The following MRTFB variants were observed in gnomAD, a reference collection of about 807,000 sequenced individuals.
MRTFB encodes myocardin-related transcription factor B.
A neutral mutation model predicts 104.2 loss-of-function variants in MRTFB; 29 were observed. The ratio of observed to expected loss-of-function variants is 0.28; its 90% CI spans 0.21 to 0.38. The LOEUF is 0.38. Ranked by LOEUF, MRTFB falls within the 10% of genes least tolerant of loss-of-function variation. The pLI is 1.00. For missense variants in MRTFB, 1,270 were observed against 1,341.6 expected, an observed-to-expected ratio of 0.95 and a Z score of 0.83; for synonymous variants, 535 against 519.5, an observed-to-expected ratio of 1.03 and a Z score of -0.41.
intron 3 of MRTFB, among the ~76,000 whole-genome samples, chr16:14,189,061 A>T (rs1359753537): frequency 6.6e-6 from 1 of 151,250 alleles, no homozygotes; most frequent in Non-Finnish European, 1.5e-5. Flanking sequence ...CTCCTCATTT[A>T]ATAGATTCTA....
chr16:14,167,902 T>C (rs2039299433), intron 3 of MRTFB, among the ~76,000 whole-genome samples: 1 of 152,210 alleles, frequency 6.6e-6, no homozygotes, highest in Non-Finnish European at 1.5e-5. Flanking sequence ...TTAACCAGGA[T>C]GGTCTCGATC....
chr16:14,178,458 A>G (rs1382572367), intron 3 of MRTFB, among the ~76,000 whole-genome samples: 1 of 152,222 alleles, frequency 6.6e-6, no homozygotes, highest in Non-Finnish European at 1.5e-5. Flanking sequence ...TTTGGTAGTC[A>G]TCTTGGCTCC....
the MRTFB span, among the ~76,000 whole-genome samples, chr16:13,997,268 G>A: frequency 5.3e-5 from 8 of 152,200 alleles, no homozygotes; most frequent in African/African-American, 1.9e-4. Flanking sequence ...TTAGCATCAT[G>A]TAGTATCTTT....
At position 14,217,307 on chromosome 16, in the gene MRTFB, C is replaced by CTATT; in HGVS notation, c.514+22_514+25dup. 6.4e-7 allele frequency: 1 copy of CTATT among 1,566,914 alleles called. No homozygotes were observed. Among genetic ancestry groups the CTATT allele is most frequent in the Non-Finnish European group, 8.6e-7 (1 of 1,160,450 alleles). Reference sequence around the variant, plus strand: ...TTATAGGCAAGACTCTAAAAATTTACTATTTGGGGTGAGAAAGAGAAACTT... The same window carrying CTATT: ...TTATAGGCAAGACTCTAAAAATTTACTATTTATTTGGGGTGAGAAAGAGAAACTT... On this transcript the variant is annotated intron_variant, in intron 7 of 16. Coordinates refer to ENST00000571589, the MANE Select transcript of MRTFB (RefSeq NM_001308142.2).
chr16:14,223,576 T>C (rs1409350505), intron 8 of MRTFB, among the ~76,000 whole-genome samples: 1 of 152,098 alleles, frequency 6.6e-6, no homozygotes, highest in African/African-American at 2.4e-5. Context: ...TATAATGGAA[T>C]TGAAAAATTC....
At chr16:14,013,605 G>T in the MRTFB span, 14 of 152,324 alleles carry the variant, frequency 9.2e-5, no homozygotes, top group African/African-American at 2.6e-4. Context: ...CAGCAACAGC[G>T]AACGTTTGTT....
rs900407990 is a variant in MRTFB at position 14,200,598 on chromosome 16, T to C, written c.155-9645T>C. 3 of 1,594,624 alleles carry C rather than the reference T, an allele frequency of 1.9e-6. No individual in the cohort carries two copies. The East Asian group carries it at 6.7e-5, about 36-fold the overall frequency. ...TGTGACTTTTGGGCAGTGAAGAATA[T>C]CACAGGTAGACTAATGGTTGGCCTA... On this transcript the variant is annotated intron_variant, in intron 3 of 16. Transcript: ENST00000571589.
At chr16:14,176,846 A>T (rs1233187724) in intron 3 of MRTFB, among the ~76,000 whole-genome samples, 1 of 152,252 alleles carries the variant, frequency 6.6e-6, no homozygotes, top group Admixed American at 6.5e-5. Flanking sequence ...CATCATCATC[A>T]TCTTCATTAT....
the MRTFB span, among the ~76,000 whole-genome samples, chr16:14,012,556 C>G: frequency 6.6e-6 from 1 of 152,028 alleles, no homozygotes; most frequent in African/African-American, 2.4e-5. Flanking sequence ...CCTTGGCCTC[C>G]CAAAGTGCTG....
intron 6 of MRTFB, chr16:14,214,909 T>G (rs916157022): frequency 6.6e-6 from 1 of 152,130 alleles, no homozygotes; most frequent in Non-Finnish European, 1.5e-5. Context: ...TTCTCTACTT[T>G]GGGTTGTGTT....
chr16:14,246,451 T>C (rs770894471), intron 11 of MRTFB, 22 bp from the exon 12 acceptor site: 1 of 1,609,118 alleles, frequency 6.2e-7, no homozygotes, highest in South Asian at 1.1e-5. Context: ...TACTAAGATA[T>C]CTGCTTTGTT....
intron 9 of MRTFB, among the ~76,000 whole-genome samples, chr16:14,238,174 A>C (rs2042606175): frequency 6.6e-6 from 1 of 152,116 alleles, no homozygotes; most frequent in Non-Finnish European, 1.5e-5. Flanking sequence ...AGGGGTATCT[A>C]ATGTGTAGTG....
chr16:14,012,635 A>G, the MRTFB span, among the ~76,000 whole-genome samples: 4,491 of 152,188 alleles, frequency 0.03, 212 homozygotes, highest in African/African-American at 0.1. Context: ...TCCCATCCTC[A>G]GGACAACTCT....
In MRTFB at chr16:14,234,213, C is replaced by A. The variant is rs138935730; in HGVS notation, c.761C>A (p.Pro254Gln). The A allele has an allele frequency of 9.8e-5, 158 of 1,614,164 alleles. No homozygotes were observed. Among genetic ancestry groups the A allele is most frequent in the East Asian group, 3.3e-4 (15 of 44,880 alleles). Reference sequence around the variant, plus strand: ...CCTCCAACTGCAGATCAGCCTCCCCCACGGCCTGCAGCTCCTGTCCTCCCC... The same window carrying A: ...CCTCCAACTGCAGATCAGCCTCCCCAACGGCCTGCAGCTCCTGTCCTCCCC... ...KTPPTADQPP[P>Q]RPAAPVLPTN... Residue 254 changes from proline (P) to glutamine (Q), a missense_variant, in exon 9 of 17, where the codon CCA becomes CAA. Pro to Gln is a moderately conservative substitution (Grantham distance 76, BLOSUM62 -1). This residue lies in a region of MRTFB where 1,144 missense variants were observed against 1,131.5 expected (regional missense o/e 1.01). Coordinates refer to ENST00000571589, the MANE Select transcript of MRTFB (RefSeq NM_001308142.2).
At chr16:14,014,839 A>G in the MRTFB span, among the ~76,000 whole-genome samples, 1 of 152,328 alleles carries the variant, frequency 6.6e-6, no homozygotes, top group East Asian at 1.9e-4. Context: ...ACTGCACTCC[A>G]GCCTGGCGAC....
At chr16:14,093,240 T>TG (rs972428310) in intron 2 of MRTFB, among the ~76,000 whole-genome samples, 2 of 133,784 alleles carry the variant, frequency 1.5e-5, no homozygotes, top group African/African-American at 8.3e-5. Flanking sequence ...ACTTGAGAGA[T>TG]GGATTTTTTT....
At chr16:14,180,004 T>C (rs116193592) in intron 3 of MRTFB, among the ~76,000 whole-genome samples, 2,633 of 152,322 alleles carry the variant, frequency 0.017, 72 homozygotes, top group African/African-American at 0.058. Context: ...CTACTAGCAG[T>C]GCATGGTGGG....
the MRTFB span, among the ~76,000 whole-genome samples, chr16:14,033,514 T>C: frequency 6.6e-6 from 1 of 151,970 alleles, no homozygotes; most frequent in Non-Finnish European, 1.5e-5. Flanking sequence ...CTTTCCAGCC[T>C]GGGTGACAGA....
At chr16:14,030,209 G>C in the MRTFB span, among the ~76,000 whole-genome samples, 66,092 of 151,982 alleles carry the variant, frequency 0.43, 14,573 homozygotes, top group Middle Eastern at 0.57. Flanking sequence ...AAAGCGTTCA[G>C]TCCAAAGCCT....
Sources: gnomAD v4.1 joint callset for allele counts (sites outside exome capture counted in the v4.1 genomes callset) on GRCh38, gnomAD v4.1.1 for gene constraint, gnomAD v4.1.1 regional missense constraint, MANE v1.5 for transcripts, NCBI Gene and HGNC (gene_info 2026-07-23, HGNC 2026-07-21) for gene names.